The following NRP1 variants were observed in gnomAD, a reference collection of about 807,000 sequenced individuals.
NRP1 encodes the protein neuropilin 1.
Under a neutral mutation model 106.7 loss-of-function variants are expected in NRP1, and 35 were observed. The observed-to-expected ratio is 0.33, with a 90% CI of 0.25 to 0.43. The LOEUF (loss-of-function observed/expected upper bound fraction) is 0.43. NRP1 is among the 20% of genes least tolerant of loss of function. The pLI is 1.00. For synonymous variants in NRP1, 437 were observed against 417.9 expected (o/e 1.05, Z -0.56); for missense variants, 1,024 against 1,170.4 (o/e 0.87, Z 1.83).
Position 33,270,757 on chromosome 10 carries a change from C to T in NRP1, c.348G>A (p.Gly116=), listed in dbSNP as rs1271220904. ...KIAPPPVVSS[G]PFLFIKFVSD... ...AGACAAATTTGATAAAAAGAAATGGCCCTGAAGACACAACAGGAGGAGGGG... is the reference window on the plus strand; with the variant it reads ...AGACAAATTTGATAAAAAGAAATGGTCCTGAAGACACAACAGGAGGAGGGG... Residue 116 remains glycine (G), a synonymous_variant, in exon 3 of 17, where the codon GGG becomes GGA. Coordinates refer to ENST00000374867, the MANE Select transcript of NRP1 (RefSeq NM_003873.7). The T allele has an allele frequency of 1.2e-6, 2 of 1,613,814 alleles. No individual in the cohort carries two copies. The highest frequency in any genetic ancestry group is 1.1e-5 in the South Asian group (1 of 91,018).
intron 6 of NRP1, among the ~76,000 whole-genome samples, chr10:33,231,966 CA>C (rs1261262329): frequency 2.0e-5 from 3 of 151,590 alleles, no homozygotes; most frequent in African/African-American, 7.3e-5. Flanking sequence ...CATTACTTGT[CA>C]AAAAAAATGT....
chr10:33,236,715 G>T (rs1432746359), intron 6 of NRP1, among the ~76,000 whole-genome samples: 1 of 152,168 alleles, frequency 6.6e-6, no homozygotes, highest in African/African-American at 2.4e-5. Context: ...CGGCTGGTTT[G>T]GATTTCAGCC....
chr10:33,300,006 G>C (rs1373648979), intron 2 of NRP1, among the ~76,000 whole-genome samples: 4 of 152,180 alleles, frequency 2.6e-5, no homozygotes, highest in Admixed American at 6.5e-5. Flanking sequence ...ACTCTGAACT[G>C]CCTGCTAACT....
rs532007442 is a variant in NRP1 at position 33,220,796 on chromosome 10, G to A, written c.1282+923C>T. Among the ~76,000 whole-genome samples the A allele has an allele frequency of 3.3e-5, 5 of 149,978 alleles. No homozygotes were observed. The South Asian group carries it at 1.1e-3, about 32-fold the overall frequency. On this transcript the variant is annotated intron_variant, in intron 8 of 16. Coordinates refer to ENST00000374867, the MANE Select transcript of NRP1 (RefSeq NM_003873.7). ...TCCTGTAGTAGTACCAGCTACTCAG[G>A]AGGCTGAAGCAGGAGAATCGCTGGA...
In NRP1 at chr10:33,239,465, A is replaced by G. The variant is rs80255897; in HGVS notation, c.982-13176T>C. ...TCCAAACTGCCTGTCATTAAAGTCA[A>G]TGTTAAGGTGTTTGAGCAACTGACT... On this transcript the variant is annotated intron_variant, in intron 6 of 16. Coordinates refer to ENST00000374867, the MANE Select transcript of NRP1 (RefSeq NM_003873.7). 1.5e-4 allele frequency among the ~76,000 whole-genome samples: 23 copies of G among 152,312 alleles called. No individual in the cohort carries two copies. The East Asian group carries it at 4.2e-3, about 28-fold the overall frequency.
At chr10:33,321,074 C>T (rs931916456) in intron 2 of NRP1, among the ~76,000 whole-genome samples, 2 of 152,194 alleles carry the variant, frequency 1.3e-5, no homozygotes, top group Admixed American at 6.5e-5. Flanking sequence ...GCAATTTCTG[C>T]TTCCCGGGTT....
chr10:33,281,696 G>A (rs985009567), intron 2 of NRP1, among the ~76,000 whole-genome samples: 2 of 152,234 alleles, frequency 1.3e-5, no homozygotes, highest in Admixed American at 6.5e-5. Context: ...TCAGTGGCTC[G>A]TCTGTAAAAT....
intron 4 of NRP1, among the ~76,000 whole-genome samples, chr10:33,260,586 C>T (rs1209867348): frequency 1.3e-5 from 2 of 152,156 alleles, no homozygotes; most frequent in Admixed American, 6.5e-5. Context: ...CCAACACTTC[C>T]AGCATGTACC....
At chr10:33,275,475 G>A (rs1419476970) in intron 2 of NRP1, among the ~76,000 whole-genome samples, 1 of 152,092 alleles carries the variant, frequency 6.6e-6, no homozygotes, top group Non-Finnish European at 1.5e-5. Context: ...GGCTGAGGCA[G>A]GAGAATCACT....
At chr10:33,200,369 C>G (rs945884150) in intron 11 of NRP1, among the ~76,000 whole-genome samples, 17 of 152,148 alleles carry the variant, frequency 1.1e-4, no homozygotes, top group African/African-American at 4.1e-4. Context: ...CCTTGGCTAG[C>G]AGGTCTGGGA....
In NRP1 at chr10:33,266,911, A is replaced by G. The variant is rs984342544; in HGVS notation, c.431-3038T>C. On this transcript the variant is annotated intron_variant, in intron 3 of 16. Coordinates refer to ENST00000374867, the MANE Select transcript of NRP1 (RefSeq NM_003873.7). ...GCCGGGCATAGTGGCGGGCGCCTGTAGTCCCAGCTACTTGGGAGGCTGAGG... is the reference window on the plus strand; with the variant it reads ...GCCGGGCATAGTGGCGGGCGCCTGTGGTCCCAGCTACTTGGGAGGCTGAGG... Among the ~76,000 whole-genome samples, 144 of 152,280 alleles carry G rather than the reference A, an allele frequency of 9.5e-4. 1 individual carries two copies. The highest frequency in any genetic ancestry group is 3.5e-3 in the African/African-American group (144 of 41,578).
intron 3 of NRP1, among the ~76,000 whole-genome samples, chr10:33,264,211 C>A (rs1039546368): frequency 1.8e-4 from 27 of 152,202 alleles, no homozygotes; most frequent in Admixed American, 1.3e-4. Flanking sequence ...ATTATGGCCC[C>A]TTCAAGCTTA....
In NRP1 at chr10:33,306,358, GT is replaced by G. The variant is rs1564473546; in HGVS notation, c.248+24349del. 4.9e-3 allele frequency among the ~76,000 whole-genome samples: 633 copies of G among 129,444 alleles called. 3 individuals are homozygous for G. Among genetic ancestry groups the G allele is most frequent in the African/African-American group, 0.019 (593 of 31,870 alleles). 84.9% of individuals were successfully genotyped at this position (129,444 alleles called of 152,430 possible). On this transcript the variant is annotated intron_variant, in intron 2 of 16. Coordinates refer to ENST00000374867, the MANE Select transcript of NRP1 (RefSeq NM_003873.7). Reference sequence around the variant, plus strand: ...TTTGCATTCTGCGGGTCAGAAGGGTGTGTGTGTGTGTGTGTGTGTGTGTGTG... The same window carrying G: ...TTTGCATTCTGCGGGTCAGAAGGGTGGTGTGTGTGTGTGTGTGTGTGTGTG...
At chr10:33,249,364 C>A (rs41276086) in intron 6 of NRP1, 32,863 of 451,544 alleles carry the variant, frequency 0.073, 1,454 homozygotes, top group Middle Eastern at 0.15. Context: ...AAAACTGAAA[C>A]TGCATTTCTC....
intron 16 of NRP1, among the ~76,000 whole-genome samples, chr10:33,180,738 A>G (rs1220835828): frequency 6.6e-6 from 1 of 152,182 alleles, no homozygotes; most frequent in African/African-American, 2.4e-5. Flanking sequence ...AGGGGATTTT[A>G]CCATTCCCAG....
At chr10:33,199,361 TG>T (rs1837043926) in intron 11 of NRP1, among the ~76,000 whole-genome samples, 6 of 72,086 alleles carry the variant, frequency 8.3e-5, no homozygotes, top group East Asian at 1.4e-3. Flanking sequence ...CATGCCTGGC[TG>T]TTTTCTATAT....
chr10:33,270,985 C>T, intron 2 of NRP1, 129 bp from the exon 3 acceptor site: 4 of 680,814 alleles, frequency 5.9e-6, no homozygotes, highest in Middle Eastern at 4.3e-4. Context: ...GCATTCATCA[C>T]TGCATTAAAT....
chr10:33,255,626 A>C (rs570803939), intron 5 of NRP1, among the ~76,000 whole-genome samples: 13 of 152,120 alleles, frequency 8.5e-5, no homozygotes, highest in African/African-American at 3.1e-4. Context: ...TAACTTTTCA[A>C]TTTTTAGTAG....
intron 6 of NRP1, among the ~76,000 whole-genome samples, chr10:33,234,609 A>G (rs1410346555): frequency 6.6e-6 from 1 of 152,206 alleles, no homozygotes. Flanking sequence ...TAGCAACGAA[A>G]CATTTTGAGC....
Sources: allele counts gnomAD v4.1 joint callset (sites outside exome capture counted in the v4.1 genomes callset), GRCh38; gene constraint gnomAD v4.1.1; transcripts MANE v1.5; gene names NCBI Gene and HGNC (gene_info 2026-07-23, HGNC 2026-07-21).